Variants in MSL1 observed in about 807,000 individuals in gnomAD.
MSL1 encodes the protein male-specific lethal 1 homolog.
In MSL1, 21 loss-of-function variants were observed where a neutral mutation model predicts 64.6. The observed-to-expected ratio is 0.33, with a 90% CI of 0.23 to 0.47. The LOEUF is 0.47. Ranked by LOEUF, MSL1 falls within the 20% of genes least tolerant of loss-of-function variation. The probability of loss-of-function intolerance (pLI) is 1.00; values close to 1 mark genes in which losing one functional copy is unlikely to be tolerated. For synonymous variants in MSL1, 339 were observed against 329.6 expected (o/e 1.03, Z -0.31); for missense variants, 664 against 793.2 (o/e 0.84, Z 1.96).
intron 1 of MSL1, 82 bp downstream of exon 1, chr17:40,123,462 G>T: frequency 7.2e-7 from 1 of 1,389,726 alleles, no homozygotes; most frequent in East Asian, 2.5e-5. Flanking sequence ...GGAGGTTAAG[G>T]CACCCCCGGG....
At chr17:40,126,627 T>G (rs1473502485) in intron 2 of MSL1, 2 of 505,752 alleles carry the variant, frequency 4.0e-6, no homozygotes, top group East Asian at 3.4e-5. Context: ...GCCAACATTT[T>G]GAAACCCCGT....
In MSL1 at chr17:40,131,994, C is replaced by CA; in HGVS notation, c.1424-39dup. Reference sequence around the variant, plus strand: ...GCAACTTTGGATTTAAGGGTGGTTCCACCCCTCCTCCCTTTCTTTTTCTCT... The same window carrying CA: ...GCAACTTTGGATTTAAGGGTGGTTCCAACCCCTCCTCCCTTTCTTTTTCTCT... On this transcript the variant is annotated intron_variant, in intron 4 of 8. Coordinates refer to ENST00000398532, the MANE Select transcript of MSL1 (RefSeq NM_001365919.1). This position sits in a 1 kb window ranked among gnomAD's most constrained non-coding sequence, Gnocchi z 4.5. 6.8e-7 allele frequency: 1 copy of CA among 1,477,330 alleles called. No individual in the cohort carries two copies. The allele number at this position is 1,477,330 out of a possible 1,614,324, so 91.5% of individuals were successfully genotyped here.
chr17:40,129,339 C>A lies in MSL1; in HGVS notation c.1087C>A (p.Pro363Thr). ...CAAAACAAAAACTCCTAAGCACTCTCCTATTAAAGAGGAACCCTGTGGTTC... is the reference window on the plus strand; with the variant it reads ...CAAAACAAAAACTCCTAAGCACTCTACTATTAAAGAGGAACCCTGTGGTTC... The part of the protein sequence containing the change: ...KVKTKTPKHS[P>T]IKEEPCGSLS... Residue 363 changes from proline to threonine, a missense_variant, in exon 3 of 9, where the codon CCT becomes ACT. This residue lies in a region of MSL1 where 466 missense variants were observed against 499.0 expected (regional missense o/e 0.93). Coordinates refer to ENST00000398532, the MANE Select transcript of MSL1 (RefSeq NM_001365919.1). 2 of 1,611,310 alleles carry A rather than the reference C, an allele frequency of 1.2e-6. No individual in the cohort carries two copies. Among genetic ancestry groups the A allele is most frequent in the Non-Finnish European group, 1.7e-6 (2 of 1,179,236 alleles).
chr17:40,122,946 GC>G lies in MSL1; in HGVS notation c.336del (p.Gly113AlafsTer90). On this transcript the variant is annotated frameshift_variant, in exon 1 of 9. Transcript: ENST00000398532. LOFTEE classifies it high-confidence loss of function. This position sits in a 1 kb window ranked among gnomAD's most constrained non-coding sequence, Gnocchi z 4.2. ...LPCPPPATKQ[A>X]GIGGEPAAAG... ...CTGTCCGCCCCCGGCCACCAAGCAA[GC>G]CGGCATTGGGGGGGAGCCTGCCGCA... is the stretch of plus-strand genomic sequence containing the variant. 1 of 1,523,460 alleles carries G rather than the reference GC, an allele frequency of 6.6e-7. No individual in the cohort carries two copies. Among genetic ancestry groups the G allele is most frequent in the Non-Finnish European group, 8.8e-7 (1 of 1,142,298 alleles). 94.4% of individuals were successfully genotyped at this position (1,523,460 alleles called of 1,614,324 possible).
chr17:40,124,815 TA>T (rs777586740), intron 1 of MSL1: 1 of 152,166 alleles, frequency 6.6e-6, no homozygotes, highest in African/African-American at 2.4e-5. Flanking sequence ...GTATGGCTGA[TA>T]GGGGGGTTCT....
chr17:40,129,659 C>G lies in MSL1; in HGVS notation c.1375+32C>G. ...CATAGAGAACACTTGCTCTTATACC[C>G]TAGTGGTGGCGGTCAAGCTAACAAG... is the stretch of plus-strand genomic sequence containing the variant. On this transcript the variant is annotated intron_variant, in intron 3 of 8. Coordinates refer to ENST00000398532, the MANE Select transcript of MSL1 (RefSeq NM_001365919.1). The G allele has an allele frequency of 2.0e-6, 3 of 1,511,272 alleles. No homozygotes were observed. In the South Asian group the frequency reaches 3.9e-5, roughly 20 times the overall value. 93.6% of individuals were successfully genotyped at this position (1,511,272 alleles called of 1,614,324 possible). A position where few individuals can be genotyped will look rare whatever the true frequency, so the allele number is the denominator to read the frequency against.
At chr17:40,130,714 G>T (rs1383379166) in intron 3 of MSL1, among the ~76,000 whole-genome samples, 1 of 152,192 alleles carries the variant, frequency 6.6e-6, no homozygotes. Context: ...GAGTACATGA[G>T]ATAGATCAGG....
Position 40,123,091 on chromosome 17 carries a change from C to A in MSL1, c.479C>A (p.Ala160Asp), listed in dbSNP as rs1346195386. The A allele has an allele frequency of 2.0e-6, 3 of 1,529,448 alleles. No homozygotes were observed. Among genetic ancestry groups the A allele is most frequent in the Non-Finnish European group, 2.6e-6 (3 of 1,144,352 alleles). The allele number at this position is 1,529,448 out of a possible 1,614,324, so 94.7% of individuals were successfully genotyped here. Residue 160 changes from alanine to aspartate, a missense_variant, in exon 1 of 9, where the codon GCC becomes GAC. Ala to Asp is a moderately radical substitution (Grantham distance 126, BLOSUM62 -2). This residue lies in a region of MSL1 where 466 missense variants were observed against 499.0 expected (regional missense o/e 0.93). Coordinates refer to ENST00000398532, the MANE Select transcript of MSL1 (RefSeq NM_001365919.1). ...TGGGCTGGGGACAAGGGTGGGGCGG[C>A]CTCCCCCGCTGCCACCGCCTCGGAC... is the stretch of plus-strand genomic sequence containing the variant. ...TPWAGDKGGAASPAATASDPA... is the reference protein window; with the variant it reads ...TPWAGDKGGADSPAATASDPA...
Position 40,135,885 on chromosome 17 carries a change from C to G in MSL1, c.*1516C>G, listed in dbSNP as rs958754430. The G allele has an allele frequency of 5.9e-5, 9 of 152,080 alleles. No homozygotes were observed. Among genetic ancestry groups the G allele is most frequent in the Non-Finnish European group, 1.0e-4 (7 of 68,008 alleles). 9.4% of individuals were successfully genotyped at this position (152,080 alleles called of 1,614,324 possible). A position where few individuals can be genotyped will look rare whatever the true frequency, so the allele number is the denominator to read the frequency against. The stretch of plus-strand genomic sequence containing the variant: ...TGTGGCTATGGGTTTTCATTTGTAA[C>G]TCCATCTGCTTAGGAGAGTGGGCTC... On this transcript the variant is annotated 3_prime_UTR_variant, in exon 9 of 9. Transcript: ENST00000398532.
At chr17:40,123,618 G>A (rs1313937418) in intron 1 of MSL1, among the ~76,000 whole-genome samples, 2 of 152,202 alleles carry the variant, frequency 1.3e-5, no homozygotes, top group Admixed American at 6.5e-5. Context: ...GGTGCCAAAG[G>A]GTTAATTTAA....
intron 1 of MSL1, among the ~76,000 whole-genome samples, chr17:40,123,817 G>T (rs1435476134): frequency 1.3e-5 from 2 of 152,210 alleles, no homozygotes; most frequent in Admixed American, 1.3e-4. Flanking sequence ...CACCACTGCT[G>T]CAGCATCTTT....
At chr17:40,129,131 A>T (rs996868074) in intron 2 of MSL1, 114 bp from the exon 3 acceptor site, 14 of 881,054 alleles carry the variant, frequency 1.6e-5, no homozygotes, top group Non-Finnish European at 2.2e-5. Context: ...GTACCTGAAT[A>T]CTTGTCATTT....
At chr17:40,133,279 T>C (rs1243074961) in intron 6 of MSL1, 170 bp downstream of exon 6, 7 of 754,018 alleles carry the variant, frequency 9.3e-6, no homozygotes. Context: ...ATGGTAGTTG[T>C]TGCGGTAAAC....
chr17:40,130,205 C>T (rs1214278514), intron 3 of MSL1: 1 of 152,232 alleles, frequency 6.6e-6, no homozygotes, highest in Non-Finnish European at 1.5e-5. Context: ...TCTTACTATA[C>T]TTCACAAAGG....
chr17:40,128,369 CTTTTTTTTTT>C lies in MSL1; in HGVS notation c.993-864_993-855del, dbSNP rs145183199. Among the ~76,000 whole-genome samples, 3 of 112,690 alleles carry C rather than the reference CTTTTTTTTTT, an allele frequency of 2.7e-5. No individual in the cohort carries two copies. The East Asian group carries it at 7.5e-4, about 28-fold the overall frequency. The allele number at this position is 112,690 out of a possible 152,430, so 73.9% of individuals were successfully genotyped here. A position where few individuals can be genotyped will look rare whatever the true frequency, so the allele number is the denominator to read the frequency against. On this transcript the variant is annotated intron_variant, in intron 2 of 8. Transcript: ENST00000398532. ...TGTTGGCTAAAGGACCTTGAATATT[CTTTTTTTTTT>C]TTTTTTTTTTTCTGAGACAGAGTCT... is the stretch of plus-strand genomic sequence containing the variant.
intron 6 of MSL1, 46 bp from the exon 7 acceptor site, chr17:40,133,488 A>G: frequency 6.3e-6 from 10 of 1,577,644 alleles, no homozygotes; most frequent in Non-Finnish European, 8.6e-6. Context: ...TTTTGGGTAA[A>G]CAGTAATGTT....
At position 40,122,476 on chromosome 17, in the gene MSL1, C is replaced by G; in HGVS notation, c.-137C>G. 1 of 563,974 alleles carries G rather than the reference C, an allele frequency of 1.8e-6. No individual in the cohort carries two copies. Among genetic ancestry groups the G allele is most frequent in the Non-Finnish European group, 2.7e-6 (1 of 366,704 alleles). The allele number at this position is 563,974 out of a possible 1,614,324, so 34.9% of individuals were successfully genotyped here. ...GCGCCCGGGCCCCGGAGGAGCCGCG[C>G]TAGCGGAGGCCTGCTGCCGCGCTGC... is the stretch of plus-strand genomic sequence containing the variant. On this transcript the variant is annotated 5_prime_UTR_variant, in exon 1 of 9. Transcript: ENST00000398532. The surrounding 1 kb of genome is among the most constrained non-coding windows in gnomAD (Gnocchi z 4.2).
intron 1 of MSL1, among the ~76,000 whole-genome samples, chr17:40,123,789 G>T (rs965927898): frequency 6.6e-6 from 1 of 152,188 alleles, no homozygotes; most frequent in African/African-American, 2.4e-5. Context: ...GAGGGCTGTA[G>T]CAAGCAGCTG....
Position 40,131,797 on chromosome 17 carries a change from G to T in MSL1, c.1423+213G>T. 1.6e-6 allele frequency: 1 copy of T among 624,080 alleles called. No individual in the cohort carries two copies. 38.7% of individuals were successfully genotyped at this position (624,080 alleles called of 1,614,324 possible). A position where few individuals can be genotyped will look rare whatever the true frequency, so the allele number is the denominator to read the frequency against. ...ATCATTATATGAATTGTCAGGTATTGGTTTAGGGTTTTTGTGATCCTGAGT... is the reference window on the plus strand; with the variant it reads ...ATCATTATATGAATTGTCAGGTATTTGTTTAGGGTTTTTGTGATCCTGAGT... On this transcript the variant is annotated intron_variant, in intron 4 of 8. Transcript: ENST00000398532. The surrounding 1 kb of genome is among the most constrained non-coding windows in gnomAD (Gnocchi z 4.5).
Sources: allele counts gnomAD v4.1 joint callset (sites outside exome capture counted in the v4.1 genomes callset), GRCh38; gene constraint gnomAD v4.1.1; regional missense constraint gnomAD v4.1.1; non-coding constraint Gnocchi (gnomAD v3.1); transcripts MANE v1.5; gene names NCBI Gene and HGNC (gene_info 2026-07-23, HGNC 2026-07-21).